FILIP1L: variants seen among roughly 807,000 people sequenced by gnomAD.
The protein encoded by FILIP1L is filamin A interacting protein 1 like.
A neutral mutation model predicts 96.6 loss-of-function variants in FILIP1L; 55 were observed. The ratio of observed to expected loss-of-function variants is 0.57; its 90% CI spans 0.46 to 0.71. The LOEUF (loss-of-function observed/expected upper bound fraction) is 0.71, where lower values mean the gene tolerates loss of function less well. Ranked by LOEUF, FILIP1L falls within the 30% of genes least tolerant of loss-of-function variation. FILIP1L has a pLI of 0.00. For missense variants in FILIP1L, 1,304 were observed against 1,321.2 expected (o/e 0.99, Z 0.20); for synonymous variants, 467 against 473.9 (o/e 0.99, Z 0.19).
At chr3:100,074,325 T>C (rs531054767) in intron 1 of FILIP1L, among the ~76,000 whole-genome samples, 2 of 152,328 alleles carry the variant, frequency 1.3e-5, no homozygotes, top group South Asian at 4.1e-4. Context: ...CCCTACACTC[T>C]GGGAACAGAC....
chr3:99,959,260 A>T (rs1381583859), intron 1 of FILIP1L, among the ~76,000 whole-genome samples: 1 of 151,736 alleles, frequency 6.6e-6, no homozygotes, highest in Non-Finnish European at 1.5e-5. Flanking sequence ...AGTGATTCTC[A>T]TGCCTCAGCC....
Position 100,094,674 on chromosome 3 carries a change from C to CTT in FILIP1L, c.-11+19377_-11+19378dup, listed in dbSNP as rs71132509. Among the ~76,000 whole-genome samples the CTT allele has an allele frequency of 3.9e-4, 22 of 57,018 alleles. 2 individuals carry two copies. The highest frequency in any genetic ancestry group is 1.1e-3 in the Admixed American group (4 of 3,718). 37.4% of individuals were successfully genotyped at this position (57,018 alleles called of 152,430 possible). A position where few individuals can be genotyped will look rare whatever the true frequency, so the allele number is the denominator to read the frequency against. ...CAGCACCATTTGTTGGAAAAGCTGC[C>CTT]TTTTTTTTTTTTTTTTTTTTTTTTT... On this transcript the variant is annotated intron_variant, in intron 1 of 5. Coordinates refer to ENST00000477258, the MANE Select transcript of FILIP1L (RefSeq NM_001387850.1).
rs113556400 is a variant in FILIP1L, at chr3:100,081,715, A to C, written c.-11+32338T>G. 1.9e-3 allele frequency among the ~76,000 whole-genome samples: 291 copies of C among 152,310 alleles called. 1 individual carries two copies. Among genetic ancestry groups the C allele is most frequent in the African/African-American group, 6.5e-3 (271 of 41,564 alleles). On this transcript the variant is annotated intron_variant, in intron 1 of 5. Transcript: ENST00000477258. ...ATCCATCAATACAGGTAAATAGTAA[A>C]TGTTACAATGATACATCACATCTTT...
At chr3:99,977,080 G>A (rs1708994792) in intron 1 of FILIP1L, among the ~76,000 whole-genome samples, 1 of 152,164 alleles carries the variant, frequency 6.6e-6, no homozygotes, top group African/African-American at 2.4e-5. Flanking sequence ...TCTATGTTAG[G>A]ATTTGCTGCT....
At chr3:100,087,097 T>C (rs554526223) in intron 1 of FILIP1L, among the ~76,000 whole-genome samples, 68 of 152,344 alleles carry the variant, frequency 4.5e-4, no homozygotes, top group African/African-American at 1.5e-3. Context: ...CTAATCCAAT[T>C]ACGAGTTGAA....
chr3:99,865,764 A>G (rs1476094586), intron 4 of FILIP1L, among the ~76,000 whole-genome samples: 1 of 151,786 alleles, frequency 6.6e-6, no homozygotes, highest in Non-Finnish European at 1.5e-5. Flanking sequence ...AAATATATAT[A>G]TATATATCCT....
intron 4 of FILIP1L, among the ~76,000 whole-genome samples, chr3:99,915,204 T>C (rs1706914532): frequency 6.6e-6 from 1 of 152,186 alleles, no homozygotes. Flanking sequence ...CCGAAGGGAA[T>C]GAATCCAGAA....
At chr3:100,050,784 C>A (rs929544121) in intron 1 of FILIP1L, among the ~76,000 whole-genome samples, 1 of 152,312 alleles carries the variant, frequency 6.6e-6, no homozygotes, top group East Asian at 1.9e-4. Flanking sequence ...CCCACCTTGA[C>A]CTCCCAAAGT....
intron 4 of FILIP1L, among the ~76,000 whole-genome samples, chr3:99,890,574 G>A (rs1397241667): frequency 1.3e-5 from 2 of 151,934 alleles, no homozygotes; most frequent in African/African-American, 4.8e-5. Context: ...ACTATATTCT[G>A]TGCAATTTCT....
At position 100,114,075 on chromosome 3, in the gene FILIP1L, T is replaced by C. The variant is rs915645836; in HGVS notation, c.-33A>G. On this transcript the variant is annotated 5_prime_UTR_variant, in exon 1 of 6. Transcript: ENST00000477258. ...TACCGTGCAGGTACCGTGCAGGTGT[T>C]GATCACACCTGGTAATTCCTTCTTC... is the stretch of plus-strand genomic sequence containing the variant. The C allele has an allele frequency of 6.6e-6, 1 of 152,060 alleles. No individual in the cohort carries two copies. The highest frequency in any genetic ancestry group is 6.6e-5 in the Admixed American group (1 of 15,266). The allele number at this position is 152,060 out of a possible 1,614,324, so 9.4% of individuals were successfully genotyped here. A position where few individuals can be genotyped will look rare whatever the true frequency, so the allele number is the denominator to read the frequency against.
At chr3:99,854,578 C>A (rs949325425) in intron 4 of FILIP1L, among the ~76,000 whole-genome samples, 1 of 152,084 alleles carries the variant, frequency 6.6e-6, no homozygotes, top group African/African-American at 2.4e-5. Context: ...ATATTTGGGG[C>A]CAGATAATTT....
At chr3:99,865,360 TTA>T (rs1944461960) in intron 4 of FILIP1L, among the ~76,000 whole-genome samples, 2 of 152,144 alleles carry the variant, frequency 1.3e-5, no homozygotes, top group African/African-American at 4.8e-5. Flanking sequence ...ATCTCATATA[TTA>T]TATCTCATGA....
In FILIP1L at chr3:99,848,696, T is replaced by G. The variant is rs565509089; in HGVS notation, c.2980A>C (p.Thr994Pro). 6.2e-7 allele frequency: 1 copy of G among 1,614,112 alleles called. No homozygotes were observed. The highest frequency in any genetic ancestry group is 8.5e-7 in the Non-Finnish European group (1 of 1,180,012). ...ATAGGGGACATTGTCCTTTCTGGAG[T>G]TAGAGAACCACAAGACTCTGGGGTC... The part of the protein sequence containing the change: ...AQTPESCGSL[T>P]PERTMSPIQV... The change falls in exon 5 of 6, where the codon ACT becomes CCT. Residue 994 changes from threonine to proline, a missense_variant. By Grantham distance (38) the Thr-to-Pro change is conservative (BLOSUM62 -1). Transcript: ENST00000477258.
chr3:100,101,574 T>A (rs1389976231), intron 1 of FILIP1L, among the ~76,000 whole-genome samples: 2 of 152,168 alleles, frequency 1.3e-5, no homozygotes, highest in African/African-American at 4.8e-5. Flanking sequence ...ACATGCACTC[T>A]CTGATCCAGT....
intron 1 of FILIP1L, among the ~76,000 whole-genome samples, chr3:100,092,289 A>G (rs1329338528): frequency 6.6e-6 from 1 of 152,182 alleles, no homozygotes; most frequent in Admixed American, 6.5e-5. Flanking sequence ...AGATGTCCTG[A>G]TGAAAGCATG....
At chr3:99,958,778 G>C (rs1233404552) in intron 1 of FILIP1L, among the ~76,000 whole-genome samples, 1 of 152,162 alleles carries the variant, frequency 6.6e-6, no homozygotes, top group African/African-American at 2.4e-5. Flanking sequence ...GGAGAGGCTG[G>C]TGATGTAGTG....
chr3:100,058,209 A>C (rs1042975256), intron 1 of FILIP1L, among the ~76,000 whole-genome samples: 7 of 152,142 alleles, frequency 4.6e-5, no homozygotes, highest in African/African-American at 1.7e-4. Context: ...TACTCTCTAT[A>C]CCCTACTGCC....
chr3:100,041,085 G>C (rs1430535795), intron 1 of FILIP1L: 1 of 152,144 alleles, frequency 6.6e-6, no homozygotes, highest in Non-Finnish European at 1.5e-5. Context: ...TAGACAGTTG[G>C]ATGTGATCAC....
At chr3:99,898,664 G>A (rs1471990343) in intron 4 of FILIP1L, 1 of 175,796 alleles carries the variant, frequency 5.7e-6, no homozygotes, top group Non-Finnish European at 1.2e-5. Flanking sequence ...TACTTGGAAT[G>A]CTGAGGCAGG....
Sources: allele counts gnomAD v4.1 joint callset (sites outside exome capture counted in the v4.1 genomes callset), GRCh38; gene constraint gnomAD v4.1.1; transcripts MANE v1.5; gene names NCBI Gene and HGNC (gene_info 2026-07-23, HGNC 2026-07-21).